The following IMMP2L variants were observed in gnomAD, a reference collection of about 807,000 sequenced individuals.
IMMP2L encodes the protein inner mitochondrial membrane peptidase subunit 2, also known as mitochondrial inner membrane protease subunit 2.
Under a neutral mutation model 19.3 loss-of-function variants are expected in IMMP2L, and 18 were observed. The ratio of observed to expected loss-of-function variants is 0.93; its 90% confidence interval spans 0.64 to 1.38. The LOEUF (loss-of-function observed/expected upper bound fraction) is 1.38, where lower values mean the gene tolerates loss of function less well. Ranked by LOEUF, IMMP2L falls within the 40% of genes most tolerant of loss-of-function variation. The pLI, the probability that IMMP2L is intolerant of heterozygous loss-of-function variation, is 0.00. For missense variants in IMMP2L, 233 were observed against 218.2 expected (o/e 1.07, Z -0.43); for synonymous variants, 76 against 73.0 (o/e 1.04, Z -0.21).
chr7:110,689,252 A>T (rs975925730), intron 5 of IMMP2L, among the ~76,000 whole-genome samples: 1 of 152,218 alleles, frequency 6.6e-6, no homozygotes, highest in African/African-American at 2.4e-5. Context: ...TCTCAGTTAA[A>T]AAAGTGAGTG....
At chr7:111,331,365 TA>T (rs1825857693) in intron 3 of IMMP2L, among the ~76,000 whole-genome samples, 1 of 151,928 alleles carries the variant, frequency 6.6e-6, no homozygotes, top group African/African-American at 2.4e-5. Context: ...ATGTGAAATC[TA>T]CAATAACCTA....
At chr7:111,420,115 AAT>A (rs1026611857) in intron 3 of IMMP2L, among the ~76,000 whole-genome samples, 13 of 151,844 alleles carry the variant, frequency 8.6e-5, no homozygotes, top group African/African-American at 2.4e-4. Context: ...TCACAATAAA[AAT>A]GTTTCAATTG....
intron 3 of IMMP2L, among the ~76,000 whole-genome samples, chr7:111,375,820 G>A (rs1382182442): frequency 3.3e-5 from 5 of 152,042 alleles, no homozygotes; most frequent in East Asian, 1.9e-4. Flanking sequence ...CACCAGGCCC[G>A]GCCAAAAGTG....
rs530190875 is a variant in IMMP2L, at chr7:111,325,793, A to G, written c.239+161445T>C. Reference sequence around the variant, plus strand: ...CTTCTATTCCCTTGACCCCTTTTCCATACTACATTCTATCTTTTGGCATCA... The same window carrying G: ...CTTCTATTCCCTTGACCCCTTTTCCGTACTACATTCTATCTTTTGGCATCA... On this transcript the variant is annotated intron_variant, in intron 3 of 5. Transcript: ENST00000405709. Among the ~76,000 whole-genome samples, 11 of 151,836 alleles carry G rather than the reference A, an allele frequency of 7.2e-5. No individual in the cohort carries two copies. The South Asian group carries it at 2.1e-3, about 29-fold the overall frequency.
intron 5 of IMMP2L, among the ~76,000 whole-genome samples, chr7:110,821,695 G>T (rs1803045127): frequency 6.6e-6 from 1 of 151,986 alleles, no homozygotes; most frequent in African/African-American, 2.4e-5. Context: ...GGCAGATCAT[G>T]AGGTCAGGAG....
chr7:111,312,233 A>G (rs1433237312), intron 3 of IMMP2L, among the ~76,000 whole-genome samples: 1 of 152,168 alleles, frequency 6.6e-6, no homozygotes, highest in Admixed American at 6.6e-5. Flanking sequence ...GGGAAACTGC[A>G]GATGAAGCAT....
At chr7:111,399,728 A>T (rs112256577) in intron 3 of IMMP2L, among the ~76,000 whole-genome samples, 1 of 152,032 alleles carries the variant, frequency 6.6e-6, no homozygotes, top group African/African-American at 2.4e-5. Context: ...TTTAACATGT[A>T]CTAACATTTC....
chr7:111,236,507 C>A (rs1562956216), intron 3 of IMMP2L, among the ~76,000 whole-genome samples: 2 of 152,126 alleles, frequency 1.3e-5, no homozygotes, highest in East Asian at 3.9e-4. Context: ...TAATTCCCAG[C>A]CCTGTATAAA....
intron 3 of IMMP2L, among the ~76,000 whole-genome samples, chr7:111,486,163 T>C (rs1343059667): frequency 6.6e-6 from 1 of 152,184 alleles, no homozygotes; most frequent in Non-Finnish European, 1.5e-5. Flanking sequence ...TCCTTGGATG[T>C]CTGCCATACA....
At chr7:110,899,393 C>T (rs919318187) in intron 4 of IMMP2L, among the ~76,000 whole-genome samples, 5 of 152,102 alleles carry the variant, frequency 3.3e-5, no homozygotes, top group Admixed American at 3.3e-4. Context: ...ATTATTCCAA[C>T]AGTTTCACAA....
At chr7:111,441,487 C>T (rs1429987938) in intron 3 of IMMP2L, among the ~76,000 whole-genome samples, 1 of 151,704 alleles carries the variant, frequency 6.6e-6, no homozygotes, top group Admixed American at 6.6e-5. Flanking sequence ...CTAGCACTTA[C>T]TGATTAGGTC....
chr7:110,997,422 T>C (rs944996970), intron 3 of IMMP2L, among the ~76,000 whole-genome samples: 8 of 152,106 alleles, frequency 5.3e-5, no homozygotes, highest in Admixed American at 2.0e-4. Context: ...CAAGTGACAA[T>C]TGCTGGGTTA....
intron 4 of IMMP2L, among the ~76,000 whole-genome samples, chr7:110,956,817 A>G (rs2129554794): frequency 6.6e-6 from 1 of 152,084 alleles, no homozygotes; most frequent in African/African-American, 2.4e-5. Context: ...AAGATCTATG[A>G]AACAGAAATA....
intron 3 of IMMP2L, among the ~76,000 whole-genome samples, chr7:111,368,589 A>G (rs1430531206): frequency 6.6e-6 from 1 of 151,952 alleles, no homozygotes; most frequent in Non-Finnish European, 1.5e-5. Context: ...TGTTTCAAGC[A>G]TAACTCTTTA....
At chr7:111,518,533 C>CA (rs1422786145) in intron 2 of IMMP2L, among the ~76,000 whole-genome samples, 15 of 152,106 alleles carry the variant, frequency 9.9e-5, no homozygotes, top group Admixed American at 9.8e-4. Context: ...CCAACTATTT[C>CA]AGTCCTTGAG....
At chr7:110,978,137 G>T (rs1017990235) in intron 3 of IMMP2L, among the ~76,000 whole-genome samples, 4 of 151,938 alleles carry the variant, frequency 2.6e-5, no homozygotes, top group African/African-American at 9.7e-5. Flanking sequence ...AGGCATAACA[G>T]GTATTCAGAA....
rs375833027 is a variant in IMMP2L, at chr7:111,362,126, A to C, written c.239+125112T>G. On this transcript the variant is annotated intron_variant, in intron 3 of 5. Coordinates refer to ENST00000405709, the MANE Select transcript of IMMP2L (RefSeq NM_032549.4). Reference sequence around the variant, plus strand: ...TAACTTCCACAGTAATCTGATATACACCAGCAACCATTTTATCAAAAAAAA... The same window carrying C: ...TAACTTCCACAGTAATCTGATATACCCCAGCAACCATTTTATCAAAAAAAA... Among the ~76,000 whole-genome samples, 58 of 152,122 alleles carry C rather than the reference A, an allele frequency of 3.8e-4. No individual in the cohort carries two copies. In the East Asian group the frequency reaches 0.011, roughly 28 times the overall value.
At chr7:111,476,627 T>C (rs1183172100) in intron 3 of IMMP2L, among the ~76,000 whole-genome samples, 1 of 152,194 alleles carries the variant, frequency 6.6e-6, no homozygotes, top group Non-Finnish European at 1.5e-5. Context: ...GGATAATCTA[T>C]TTCCAGGCTC....
intron 5 of IMMP2L, among the ~76,000 whole-genome samples, chr7:110,853,121 C>T (rs907390453): frequency 5.9e-5 from 9 of 152,036 alleles, no homozygotes; most frequent in African/African-American, 1.2e-4. Flanking sequence ...CACACACACA[C>T]GCATATATCT....
Sources: allele counts gnomAD v4.1 joint callset (sites outside exome capture counted in the v4.1 genomes callset), GRCh38; gene constraint gnomAD v4.1.1; transcripts MANE v1.5; gene names NCBI Gene and HGNC (gene_info 2026-07-23, HGNC 2026-07-21).